TTLL8: variants seen among roughly 807,000 people sequenced by gnomAD.
TTLL8 encodes protein monoglycylase TTLL8.
In TTLL8, 65 loss-of-function variants were observed where a neutral mutation model predicts 77.8. The ratio of observed to expected loss-of-function variants is 0.84; its 90% CI spans 0.68 to 1.03. The LOEUF (loss-of-function observed/expected upper bound fraction) is 1.03, where lower values mean the gene tolerates loss of function less well. Among genes scored for constraint, TTLL8 ranks in the 50% least tolerant of loss-of-function variants. The pLI, the probability that TTLL8 is intolerant of heterozygous loss-of-function variation, is 0.00. For synonymous variants in TTLL8, 402 were observed against 422.8 expected (o/e 0.95, Z 0.60); for missense variants, 910 against 1,004.5 (o/e 0.91, Z 1.27).
intron 8 of TTLL8, among the ~76,000 whole-genome samples, chr22:50,038,844 CA>C (rs2061352214): frequency 1.3e-5 from 2 of 151,976 alleles, no homozygotes; most frequent in South Asian, 4.2e-4. Flanking sequence ...TTTTCATTTC[CA>C]AGTTGGCTAA....
intron 8 of TTLL8, among the ~76,000 whole-genome samples, chr22:50,037,085 G>A (rs2061342125): frequency 6.6e-6 from 1 of 152,210 alleles, no homozygotes; most frequent in Non-Finnish European, 1.5e-5. Flanking sequence ...GTATGTAGAT[G>A]CCTAAACGTG....
chr22:50,033,401 C>T, exon 10 of TTLL8: 1 of 1,365,328 alleles, frequency 7.3e-7, no homozygotes, highest in African/African-American at 1.5e-5. Context: ...TGGTCTGCAG[C>T]TGCCAGCTCC....
rs2061394120 is a variant in TTLL8, at chr22:50,044,213, G to T, written c.643+1042C>A. Reference sequence around the variant, plus strand: ...TGGTGGTGGGCACCCAACTACTCGGGAGGCTGAGACAGGAGAATCGCTTGA... The same window carrying T: ...TGGTGGTGGGCACCCAACTACTCGGTAGGCTGAGACAGGAGAATCGCTTGA... On this transcript the variant is annotated intron_variant, in intron 6 of 13. Coordinates refer to ENST00000266182, the Ensembl canonical transcript of TTLL8. This position sits in a 1 kb window ranked among gnomAD's most constrained non-coding sequence, Gnocchi z 4.2. Among the ~76,000 whole-genome samples the T allele has an allele frequency of 6.6e-6, 1 of 152,000 alleles. No individual in the cohort carries two copies. The highest frequency in any genetic ancestry group is 6.6e-5 in the Admixed American group (1 of 15,242).
intron 12 of TTLL8, among the ~76,000 whole-genome samples, chr22:50,024,200 G>A (rs764970394): frequency 7.2e-5 from 11 of 152,076 alleles, no homozygotes; most frequent in Admixed American, 2.6e-4. Flanking sequence ...GCAATGGCGC[G>A]ATCTTGGCTC....
At chr22:50,040,281 G>C (rs2061362438) in intron 8 of TTLL8, among the ~76,000 whole-genome samples, 1 of 151,224 alleles carries the variant, frequency 6.6e-6, no homozygotes, top group Non-Finnish European at 1.5e-5. Flanking sequence ...AGCATGGACA[G>C]ACCTCATGGA....
rs2061320668 is a variant in TTLL8, at chr22:50,034,374, G to A, written c.1010C>T (p.Ala337Val). 7.3e-7 allele frequency: 1 copy of A among 1,366,810 alleles called. No homozygotes were observed. Among genetic ancestry groups the A allele is most frequent in the Non-Finnish European group, 9.8e-7 (1 of 1,021,818 alleles). 84.7% of individuals were successfully genotyped at this position (1,366,810 alleles called of 1,614,324 possible). ...GGACTCACCTCGGCCCCGGGACTTG[G>A]CCGCGGGCTTTATAATCCAGATGTT... Residue 337 changes from alanine to valine, a missense_variant, in exon 9 of 14, where the codon GCC (alanine) becomes GTC (valine). By Grantham distance (64) the Ala-to-Val change is moderately conservative. Transcript: ENST00000266182. This position sits in a 1 kb window ranked among gnomAD's most constrained non-coding sequence, Gnocchi z 4.1.
At chr22:50,028,723 TCGTAAAGACCCCATCACACC>T (rs1205799998) in intron 12 of TTLL8, among the ~76,000 whole-genome samples, 19 of 26,112 alleles carry the variant, frequency 7.3e-4, no homozygotes, top group South Asian at 7.0e-3. Context: ...CCACACACCC[TCGTAAAGACCCCATCACACC>T]GTCCTAAAGA....
At chr22:50,055,306 G>A, upstream of TTLL8, 1 of 1,289,994 alleles carries the variant, frequency 7.8e-7, no homozygotes, top group Non-Finnish European at 1.0e-6. Flanking sequence ...CCAAGTCTTG[G>A]GAAATTCCTT....
In TTLL8 at chr22:50,034,361, G is replaced by A; in HGVS notation, c.1023C>T (p.Gly341=). Residue 341 remains glycine, a synonymous_variant, in exon 9 of 14, where the codon GGC becomes GGT. Transcript: ENST00000266182. The surrounding 1 kb of genome is among the most constrained non-coding windows in gnomAD (Gnocchi z 4.1). Reference sequence around the variant, plus strand: ...CATCCGCACCAGGGGACTCACCTCGGCCCCGGGACTTGGCCGCGGGCTTTA... The same window carrying A: ...CATCCGCACCAGGGGACTCACCTCGACCCCGGGACTTGGCCGCGGGCTTTA... The A allele has an allele frequency of 7.3e-7, 1 of 1,366,188 alleles. No individual in the cohort carries two copies. The highest frequency in any genetic ancestry group is 9.8e-7 in the Non-Finnish European group (1 of 1,021,762). 84.6% of individuals were successfully genotyped at this position (1,366,188 alleles called of 1,614,324 possible). A position where few individuals can be genotyped will look rare whatever the true frequency, so the allele number is the denominator to read the frequency against.
At chr22:50,057,477 A>G (rs908254850), upstream of TTLL8, among the ~76,000 whole-genome samples, 32 of 5,298 alleles carry the variant, frequency 6.0e-3, no homozygotes, top group South Asian at 0.019. Flanking sequence ...TCAGGTCTGG[A>G]TTGTGGGTCA....
chr22:50,025,734 G>A (rs2061226793), intron 12 of TTLL8, among the ~76,000 whole-genome samples: 1 of 152,182 alleles, frequency 6.6e-6, no homozygotes, highest in Non-Finnish European at 1.5e-5. Flanking sequence ...ATAGGAAAAA[G>A]ACTTAGTAAG....
At chr22:50,033,227 G>A (rs772658209) in exon 10 of TTLL8, 6 of 1,354,626 alleles carry the variant, frequency 4.4e-6, no homozygotes, top group East Asian at 9.3e-5. Context: ...AGGGAGAAGC[G>A]CTGAGTTGAG....
At chr22:50,020,904 G>GACA (rs2061193322) in intron 12 of TTLL8, among the ~76,000 whole-genome samples, 2 of 138,644 alleles carry the variant, frequency 1.4e-5, no homozygotes, top group Admixed American at 7.2e-5. Flanking sequence ...TCCATCTGAC[G>GACA]TGCACTCCTC....
intron 2 of TTLL8, 42 bp from the exon 5 acceptor site, chr22:50,049,364 G>A (rs1375987015): frequency 7.3e-7 from 1 of 1,366,302 alleles, no homozygotes; most frequent in African/African-American, 1.5e-5. Context: ...TGAAGCCTCA[G>A]CCAGACTTCC....
Position 50,041,970 on chromosome 22 carries a change from C to T in TTLL8, c.644-163G>A, listed in dbSNP as rs2146675112. Among the ~76,000 whole-genome samples the T allele has an allele frequency of 6.6e-6, 1 of 152,332 alleles. No homozygotes were observed. Among genetic ancestry groups the T allele is most frequent in the Non-Finnish European group, 1.5e-5 (1 of 68,024 alleles). ...ATCCCCAGACAGGCACCCCAATACC[C>T]AACCAAGCTTCTCTGGGCAACCGCC... On this transcript the variant is annotated intron_variant, in intron 6 of 13. Coordinates refer to ENST00000266182, the Ensembl canonical transcript of TTLL8. This position sits in a 1 kb window ranked among gnomAD's most constrained non-coding sequence, Gnocchi z 4.3.
intron 12 of TTLL8, among the ~76,000 whole-genome samples, chr22:50,023,645 G>A (rs780672748): frequency 1.1e-4 from 17 of 151,728 alleles, no homozygotes; most frequent in Admixed American, 2.0e-4. Flanking sequence ...AGATCGCACC[G>A]CTGCACTCCA....
intron 12 of TTLL8, among the ~76,000 whole-genome samples, chr22:50,028,580 C>T (rs867090809): frequency 2.6e-5 from 4 of 151,758 alleles, no homozygotes; most frequent in Middle Eastern, 3.4e-3. Context: ...ATAAAGACCC[C>T]CACCATGCCC....
At chr22:50,030,854 C>G (rs772144747) in exon 12 of TTLL8, 1 of 1,336,760 alleles carries the variant, frequency 7.5e-7, no homozygotes, top group Non-Finnish European at 9.9e-7. Context: ...GCACCTGCCT[C>G]CTGGCTCTCC....
At chr22:50,027,535 A>AAG in intron 12 of TTLL8, 1 of 116,518 alleles carries the variant, frequency 8.6e-6, no homozygotes, top group Non-Finnish European at 1.3e-5. Context: ...CTCCGTCTCA[A>AAG]AAAAAAAAAA....
Sources: gnomAD v4.1 joint callset for allele counts (sites outside exome capture counted in the v4.1 genomes callset) on GRCh38, gnomAD v4.1.1 for gene constraint, Gnocchi (gnomAD v3.1) non-coding constraint, MANE v1.5 for transcripts, NCBI Gene and HGNC (gene_info 2026-07-23, HGNC 2026-07-21) for gene names.